ABCA13: variants seen among roughly 807,000 people sequenced by gnomAD.
ABCA13 encodes the protein ATP binding cassette subfamily A member 13, also known as ATP-binding cassette sub-family A member 13.
Under a neutral mutation model 478.7 loss-of-function variants are expected in ABCA13, and 476 were observed. That is an observed-to-expected ratio of 0.99 (90% CI 0.92 to 1.07). ABCA13 has a LOEUF of 1.07. Among genes scored for constraint, ABCA13 ranks in the 50% least tolerant of loss-of-function variants. The pLI, the probability that ABCA13 is intolerant of heterozygous loss-of-function variation, is 0.00. For missense variants in ABCA13, 6,060 were observed against 5,910.6 expected (o/e 1.03, Z -0.83); for synonymous variants, 2,252 against 2,158.9 (o/e 1.04, Z -1.20).
At chr7:48,193,906 A>G (rs1223912319) in intron 2 of ABCA13, among the ~76,000 whole-genome samples, 1 of 109,680 alleles carries the variant, frequency 9.1e-6, no homozygotes. Context: ...GAGGGAGATG[A>G]TGATAGTGAT....
At chr7:48,457,595 A>G (rs1825813613) in intron 43 of ABCA13, among the ~76,000 whole-genome samples, 1 of 152,200 alleles carries the variant, frequency 6.6e-6, no homozygotes, top group Non-Finnish European at 1.5e-5. Context: ...ATTTTCTTCT[A>G]TTTCTAAGAG....
intron 42 of ABCA13, among the ~76,000 whole-genome samples, chr7:48,440,318 T>C (rs1436030453): frequency 6.6e-6 from 1 of 152,142 alleles, no homozygotes; most frequent in Non-Finnish European, 1.5e-5. Context: ...TTTAGAATAA[T>C]TGTGCCTGTT....
At chr7:48,620,958 T>C (rs1006324760) in intron 59 of ABCA13, among the ~76,000 whole-genome samples, 3 of 152,132 alleles carry the variant, frequency 2.0e-5, no homozygotes, top group Non-Finnish European at 4.4e-5. Context: ...TAGTATGAGA[T>C]GTATGAAGTC....
chr7:48,608,900 T>C (rs1367727152), intron 58 of ABCA13, among the ~76,000 whole-genome samples: 1 of 152,238 alleles, frequency 6.6e-6, no homozygotes, highest in East Asian at 1.9e-4. Flanking sequence ...GAGAAAACAA[T>C]TTACCAGTTT....
At chr7:48,386,890 T>C (rs983758517) in intron 35 of ABCA13, among the ~76,000 whole-genome samples, 1 of 152,242 alleles carries the variant, frequency 6.6e-6, no homozygotes, top group East Asian at 1.9e-4. Flanking sequence ...ACTAATGGGA[T>C]CTAACTAAAG....
At chr7:48,419,463 T>G in intron 41 of ABCA13, among the ~76,000 whole-genome samples, 1 of 152,338 alleles carries the variant, frequency 6.6e-6, no homozygotes, top group Non-Finnish European at 1.5e-5. Context: ...GACAAATGTA[T>G]AGAGTTGTAG....
chr7:48,594,899 T>C, intron 58 of ABCA13, 86 bp downstream of exon 58: 1 of 1,053,750 alleles, frequency 9.5e-7, no homozygotes, highest in Non-Finnish European at 1.4e-6. Flanking sequence ...TGCACAGTGT[T>C]ACACATGGAC....
At chr7:48,386,660 A>G (rs1042180175) in intron 35 of ABCA13, among the ~76,000 whole-genome samples, 34 of 152,200 alleles carry the variant, frequency 2.2e-4, no homozygotes, top group African/African-American at 7.2e-4. Flanking sequence ...AATAAATGGT[A>G]TGGGGATAAC....
chr7:48,213,121 T>C (rs1785923287), intron 3 of ABCA13, among the ~76,000 whole-genome samples: 1 of 152,188 alleles, frequency 6.6e-6, no homozygotes, highest in Admixed American at 6.5e-5. Flanking sequence ...ACTTTTGAGG[T>C]TTATCTTTTT....
chr7:48,187,732 C>G (rs1421014681), intron 1 of ABCA13, among the ~76,000 whole-genome samples: 1 of 151,466 alleles, frequency 6.6e-6, no homozygotes, highest in African/African-American at 2.4e-5. Flanking sequence ...TTCTTAGATC[C>G]ACAATCTCTT....
At chr7:48,237,897 C>T (rs1380532878) in intron 8 of ABCA13, among the ~76,000 whole-genome samples, 2 of 152,150 alleles carry the variant, frequency 1.3e-5, no homozygotes, top group African/African-American at 4.8e-5. Flanking sequence ...GGGACTTGGC[C>T]TTATCTATCT....
chr7:48,340,384 G>A (rs1472173097), intron 29 of ABCA13, among the ~76,000 whole-genome samples: 1 of 152,164 alleles, frequency 6.6e-6, no homozygotes, highest in Non-Finnish European at 1.5e-5. Flanking sequence ...GGGATTACAG[G>A]CGTGAGCCAC....
Position 48,274,164 on chromosome 7 carries a change from G to T in ABCA13, c.4498G>T (p.Val1500Leu), listed in dbSNP as rs1386403325. 1 of 1,610,452 alleles carries T rather than the reference G, an allele frequency of 6.2e-7. No individual in the cohort carries two copies. Among genetic ancestry groups the T allele is most frequent in the Non-Finnish European group, 8.5e-7 (1 of 1,177,910 alleles). The stretch of plus-strand genomic sequence containing the variant: ...TCTTTTAAATGATTCCACAAAGCAA[G>T]TAAGGATGAGTATCAACAACTTAAC... ...LALLNDSTKQVRMSINNLTTD... is the reference protein window; with the variant it reads ...LALLNDSTKQLRMSINNLTTD... The change falls in exon 17 of 62, where the codon GTA becomes TTA. Residue 1500 changes from valine to leucine, a missense_variant. Around this residue, in one of 3 missense-constraint regions of ABCA13, gnomAD observed 4,423 missense variants for 4,309.1 expected, o/e 1.03. Coordinates refer to ENST00000435803, the MANE Select transcript of ABCA13 (RefSeq NM_152701.5).
At chr7:48,287,434 T>A (rs1312413957) in intron 19 of ABCA13, among the ~76,000 whole-genome samples, 1 of 151,764 alleles carries the variant, frequency 6.6e-6, no homozygotes, top group Non-Finnish European at 1.5e-5. Context: ...TGGAGAGACA[T>A]TGGGAGGTCA....
At position 48,274,943 on chromosome 7, in the gene ABCA13, A is replaced by G; in HGVS notation, c.5277A>G (p.Gly1759=). 1 of 1,613,836 alleles carries G rather than the reference A, an allele frequency of 6.2e-7. No homozygotes were observed. The highest frequency in any genetic ancestry group is 8.5e-7 in the Non-Finnish European group (1 of 1,179,730). Residue 1759 remains glycine (G), a synonymous_variant, in exon 17 of 62, where the codon GGA becomes GGG. Coordinates refer to ENST00000435803, the MANE Select transcript of ABCA13 (RefSeq NM_152701.5). ...CTCATGCTGTAAGGCTCCTGCAGGG[A>G]GTACCTGGTAAAAACATCACTGAAG... The part of the protein sequence containing the change: ...VLPHAVRLLQ[G]VPGKNITEGL...
intron 1 of ABCA13, among the ~76,000 whole-genome samples, chr7:48,189,853 C>T (rs976710279): frequency 6.6e-6 from 1 of 151,900 alleles, no homozygotes; most frequent in African/African-American, 2.4e-5. Context: ...ATTTGTAATA[C>T]CATAAGCCAT....
chr7:48,576,571 C>T (rs943946923), intron 55 of ABCA13, among the ~76,000 whole-genome samples: 11 of 152,154 alleles, frequency 7.2e-5, no homozygotes, highest in African/African-American at 2.4e-4. Flanking sequence ...CCAGCTCAGG[C>T]TCTAGAAGAC....
chr7:48,419,457 A>G (rs1480140362), intron 41 of ABCA13, among the ~76,000 whole-genome samples: 1 of 152,176 alleles, frequency 6.6e-6, no homozygotes, highest in Non-Finnish European at 1.5e-5. Context: ...GAGTTTGACA[A>G]ATGTATAGAG....
chr7:48,363,058 G>A (rs1811130542), intron 31 of ABCA13, among the ~76,000 whole-genome samples: 2 of 151,984 alleles, frequency 1.3e-5, no homozygotes. Context: ...TGCTTTTACA[G>A]GAAAATGTAC....
Sources: allele counts gnomAD v4.1 joint callset (sites outside exome capture counted in the v4.1 genomes callset), GRCh38; gene constraint gnomAD v4.1.1; regional missense constraint gnomAD v4.1.1; transcripts MANE v1.5; gene names NCBI Gene and HGNC (gene_info 2026-07-23, HGNC 2026-07-21).